MARCHF3: variants seen among roughly 807,000 people sequenced by gnomAD.
MARCHF3 encodes E3 ubiquitin-protein ligase MARCHF3.
In MARCHF3, 13 loss-of-function variants were observed where a neutral mutation model predicts 24.2. The observed-to-expected ratio is 0.54, with a 90% CI of 0.35 to 0.85. The LOEUF (loss-of-function observed/expected upper bound fraction) is 0.85. MARCHF3 is among the 40% of genes least tolerant of loss of function. The pLI is 0.01. For synonymous variants in MARCHF3, 144 were observed against 137.3 expected, an observed-to-expected ratio of 1.05 and a Z score of -0.34; for missense variants, 276 against 325.0, an observed-to-expected ratio of 0.85 and a Z score of 1.16.
chr5:127,010,466 A>C (rs1332025349), intron 1 of MARCHF3, among the ~76,000 whole-genome samples: 5 of 152,272 alleles, frequency 3.3e-5, no homozygotes, highest in African/African-American at 1.2e-4. Context: ...CACTTTTGTG[A>C]GGGTCGAGAA....
chr5:126,939,701 A>G (rs1749766408), intron 1 of MARCHF3, among the ~76,000 whole-genome samples: 2 of 152,208 alleles, frequency 1.3e-5, no homozygotes, highest in South Asian at 2.1e-4. Context: ...TGTTCTATAC[A>G]TTGCTGATTA....
intron 1 of MARCHF3, among the ~76,000 whole-genome samples, chr5:127,015,363 G>A (rs540631044): frequency 6.6e-6 from 1 of 152,280 alleles, no homozygotes; most frequent in East Asian, 1.9e-4. Flanking sequence ...AAGGTCGAGG[G>A]AAGATGAGCA....
intron 1 of MARCHF3, among the ~76,000 whole-genome samples, chr5:127,024,719 T>C (rs567341366): frequency 6.6e-6 from 1 of 152,228 alleles, no homozygotes; most frequent in Non-Finnish European, 1.5e-5. Flanking sequence ...TCTATTTTAG[T>C]GTTCAAGGGT....
chr5:126,933,456 T>A (rs1210972926), intron 1 of MARCHF3, among the ~76,000 whole-genome samples: 2 of 151,730 alleles, frequency 1.3e-5, no homozygotes, highest in Admixed American at 6.6e-5. Context: ...TTTTTTTTTT[T>A]TTTTTTGAGA....
At chr5:126,906,958 G>A (rs1414847797) in intron 3 of MARCHF3, among the ~76,000 whole-genome samples, 3 of 151,794 alleles carry the variant, frequency 2.0e-5, no homozygotes, top group Non-Finnish European at 4.4e-5. Context: ...GGCATTTAGT[G>A]CTATAAATTT....
At chr5:126,980,230 G>C (rs1016387074) in intron 1 of MARCHF3, among the ~76,000 whole-genome samples, 8 of 152,130 alleles carry the variant, frequency 5.3e-5, no homozygotes, top group African/African-American at 1.7e-4. Flanking sequence ...TGTGAACTGG[G>C]GCAGCCATGT....
rs899017587 is a variant in MARCHF3, at chr5:126,906,573, A to C, written c.393+8357T>G. ...GAGTGTATGTGTCCAGGAATTTATC[A>C]ATTTCTTCTAGATTTTCTAGTTTAT... On this transcript the variant is annotated intron_variant, in intron 3 of 4. Coordinates refer to ENST00000308660, the MANE Select transcript of MARCHF3 (RefSeq NM_178450.5). Among the ~76,000 whole-genome samples, 115 of 152,076 alleles carry C rather than the reference A, an allele frequency of 7.6e-4. 1 individual carries two copies. The highest frequency in any genetic ancestry group is 1.9e-3 in the African/African-American group (77 of 41,484).
chr5:127,029,101 A>G (rs1753092203), intron 1 of MARCHF3, among the ~76,000 whole-genome samples: 1 of 152,236 alleles, frequency 6.6e-6, no homozygotes, highest in African/African-American at 2.4e-5. Context: ...ATGCTTACGC[A>G]TACACACTCA....
intron 1 of MARCHF3, among the ~76,000 whole-genome samples, chr5:127,017,431 G>A (rs905346201): frequency 6.6e-6 from 1 of 152,036 alleles, no homozygotes; most frequent in Non-Finnish European, 1.5e-5. Context: ...AACTTACAAG[G>A]GGTTTATATG....
At chr5:126,892,945 T>C (rs1435808352) in intron 3 of MARCHF3, among the ~76,000 whole-genome samples, 13 of 151,920 alleles carry the variant, frequency 8.6e-5, no homozygotes, top group Admixed American at 3.3e-4. Flanking sequence ...GGTAAGCTAT[T>C]GATTATTGCC....
chr5:126,877,702 C>T (rs1281888185), intron 4 of MARCHF3, among the ~76,000 whole-genome samples: 2 of 152,148 alleles, frequency 1.3e-5, no homozygotes, highest in Admixed American at 6.5e-5. Context: ...AGTGCGGCTC[C>T]ACGTCCAACA....
At chr5:127,015,579 C>T (rs1752613686) in intron 1 of MARCHF3, among the ~76,000 whole-genome samples, 1 of 152,196 alleles carries the variant, frequency 6.6e-6, no homozygotes, top group African/African-American at 2.4e-5. Flanking sequence ...TAGAAAAGGA[C>T]TTTGGAGGAA....
At chr5:126,874,350 G>A (rs557375130) in intron 4 of MARCHF3, among the ~76,000 whole-genome samples, 2 of 152,224 alleles carry the variant, frequency 1.3e-5, no homozygotes, top group Non-Finnish European at 2.9e-5. Context: ...CACTTTGGGA[G>A]GCCGAGGCAG....
chr5:127,029,618 A>G (rs1391884551), intron 1 of MARCHF3, among the ~76,000 whole-genome samples: 2 of 152,094 alleles, frequency 1.3e-5, no homozygotes, highest in Non-Finnish European at 2.9e-5. Context: ...CAGGTGCTCA[A>G]ACAAACACCA....
chr5:126,958,047 C>T (rs957121517), intron 1 of MARCHF3, among the ~76,000 whole-genome samples: 14 of 152,034 alleles, frequency 9.2e-5, no homozygotes, highest in African/African-American at 2.4e-4. Context: ...TGCCCATACA[C>T]GGGAAAGCTA....
intron 1 of MARCHF3, among the ~76,000 whole-genome samples, chr5:126,997,332 G>A (rs556567701): frequency 1.3e-5 from 2 of 152,310 alleles, no homozygotes; most frequent in South Asian, 4.2e-4. Context: ...AGACTTCTTG[G>A]TGGAGGTGGG....
At chr5:126,899,641 T>G (rs547343394) in intron 3 of MARCHF3, among the ~76,000 whole-genome samples, 11 of 152,250 alleles carry the variant, frequency 7.2e-5, no homozygotes, top group African/African-American at 2.6e-4. Context: ...TCTGATAGGG[T>G]GCTGTAGCCA....
At chr5:126,913,669 A>G (rs1043015588) in intron 3 of MARCHF3, among the ~76,000 whole-genome samples, 4 of 152,258 alleles carry the variant, frequency 2.6e-5, no homozygotes, top group African/African-American at 4.8e-5. Flanking sequence ...CAAGTAAGTC[A>G]TAACAGCTAA....
chr5:126,920,090 G>A (rs1457636587), intron 1 of MARCHF3, among the ~76,000 whole-genome samples: 1 of 152,094 alleles, frequency 6.6e-6, no homozygotes, highest in East Asian at 1.9e-4. Context: ...TAAAAACTAT[G>A]GAAGAGCACA....
Sources: gnomAD v4.1 joint callset for allele counts (sites outside exome capture counted in the v4.1 genomes callset) on GRCh38, gnomAD v4.1.1 for gene constraint, MANE v1.5 for transcripts, NCBI Gene and HGNC (gene_info 2026-07-23, HGNC 2026-07-21) for gene names.